The following NPLOC4 variants were observed in gnomAD, a reference collection of about 807,000 sequenced individuals.
The protein encoded by NPLOC4 is NPL4 homolog, ubiquitin recognition factor.
A neutral mutation model predicts 80.6 loss-of-function variants in NPLOC4; 18 were observed. That is an observed-to-expected ratio of 0.22 (90% CI 0.15 to 0.33). NPLOC4 has a LOEUF of 0.33. Among genes scored for constraint, NPLOC4 ranks in the 10% least tolerant of loss-of-function variants. The pLI, the probability that NPLOC4 is intolerant of heterozygous loss-of-function variation, is 1.00. For missense variants in NPLOC4, 540 were observed against 786.1 expected (o/e 0.69, Z 3.74); for synonymous variants, 313 against 301.5 (o/e 1.04, Z -0.39).
intron 15 of NPLOC4, chr17:81,566,644 T>C (rs1214507040): frequency 6.6e-6 from 1 of 152,244 alleles, no homozygotes. Flanking sequence ...ACTAGCAGGA[T>C]ACAAGAACAG....
At position 81,557,723 on chromosome 17, in the gene NPLOC4, C is replaced by T. The variant is rs997952866; in HGVS notation, c.*1536G>A. On this transcript the variant is annotated 3_prime_UTR_variant, in exon 17 of 17. Coordinates refer to ENST00000331134, the MANE Select transcript of NPLOC4 (RefSeq NM_017921.4). ...TGGGAGTTGCATCCGCAGCAGTCCG[C>T]TTCAACCCAGCTCCTCTCCACCCTT... 2 of 152,320 alleles carry T rather than the reference C, an allele frequency of 1.3e-5. No homozygotes were observed. The highest frequency in any genetic ancestry group is 2.4e-5 in the African/African-American group (1 of 41,464). 9.4% of individuals were successfully genotyped at this position (152,320 alleles called of 1,614,324 possible).
chr17:81,586,125 C>CA (rs1380122295), intron 12 of NPLOC4, among the ~76,000 whole-genome samples: 3 of 152,090 alleles, frequency 2.0e-5, no homozygotes, highest in Non-Finnish European at 4.4e-5. Context: ...GAAGGGGAGG[C>CA]AGGGGCCTGA....
At position 81,615,458 on chromosome 17, in the gene NPLOC4, T is replaced by C. The variant is rs189477785; in HGVS notation, c.210-1964A>G. Among the ~76,000 whole-genome samples, 395 of 152,260 alleles carry C rather than the reference T, an allele frequency of 2.6e-3. 1 individual carries two copies. Among genetic ancestry groups the C allele is most frequent in the Non-Finnish European group, 3.5e-3 (239 of 68,018 alleles). ...CCTAAACACCATCTAACTACTAATA[T>C]AAAAAACTTGACTTACACACAAGAT... On this transcript the variant is annotated intron_variant, in intron 3 of 16. Coordinates refer to ENST00000331134, the MANE Select transcript of NPLOC4 (RefSeq NM_017921.4).
intron 13 of NPLOC4, among the ~76,000 whole-genome samples, chr17:81,571,333 C>G (rs936622161): frequency 1.5e-4 from 23 of 152,222 alleles, no homozygotes; most frequent in Non-Finnish European, 2.9e-4. Flanking sequence ...AAAGGCTCAT[C>G]CTGCCATCCT....
intron 2 of NPLOC4, among the ~76,000 whole-genome samples, chr17:81,623,915 C>T (rs1001723338): frequency 6.6e-6 from 1 of 152,164 alleles, no homozygotes; most frequent in Non-Finnish European, 1.5e-5. Flanking sequence ...TTCACTCATT[C>T]CTTCAACAAA....
intron 11 of NPLOC4, 119 bp downstream of exon 11, chr17:81,595,997 C>T: frequency 1.0e-6 from 1 of 982,366 alleles, no homozygotes; most frequent in South Asian, 1.7e-5. Context: ...AATTTATATC[C>T]CACAAGCCCA....
chr17:81,620,293 C>T (rs2035630907), intron 3 of NPLOC4, among the ~76,000 whole-genome samples: 1 of 152,056 alleles, frequency 6.6e-6, no homozygotes, highest in Non-Finnish European at 1.5e-5. Flanking sequence ...GTCAGGAATT[C>T]GAGACCAGCT....
Position 81,591,390 on chromosome 17 carries a change from A to T in NPLOC4, c.1121-2286T>A, listed in dbSNP as rs371097753. 5.2e-3 allele frequency among the ~76,000 whole-genome samples: 749 copies of T among 142,804 alleles called. 4 individuals carry two copies. Among genetic ancestry groups the T allele is most frequent in the South Asian group, 0.032 (139 of 4,400 alleles). 93.7% of individuals were successfully genotyped at this position (142,804 alleles called of 152,430 possible). ...GCAGAGGCTGCGATGAGCTGAGATC[A>T]TACCACTGCACTCCAGCCCGGGCAA... On this transcript the variant is annotated intron_variant, in intron 11 of 16. Coordinates refer to ENST00000331134, the MANE Select transcript of NPLOC4 (RefSeq NM_017921.4).
chr17:81,571,702 C>G (rs1226364877), intron 13 of NPLOC4, among the ~76,000 whole-genome samples: 1 of 152,226 alleles, frequency 6.6e-6, no homozygotes, highest in Non-Finnish European at 1.5e-5. Flanking sequence ...TCGCTGCCTT[C>G]CAGAGGCTGC....
chr17:81,593,861 C>A (rs1233835744), intron 11 of NPLOC4, among the ~76,000 whole-genome samples: 10 of 152,142 alleles, frequency 6.6e-5, no homozygotes, highest in Admixed American at 6.6e-4. Context: ...CACGACAGCA[C>A]CCTTCCCAGG....
At chr17:81,588,179 TGAA>T (rs933737518) in intron 12 of NPLOC4, 3 of 152,190 alleles carry the variant, frequency 2.0e-5, no homozygotes, top group Admixed American at 1.3e-4. Flanking sequence ...AATGAAACAC[TGAA>T]GAAGACTGAA....
At chr17:81,605,546 G>C (rs1035437296) in intron 7 of NPLOC4, among the ~76,000 whole-genome samples, 1 of 151,724 alleles carries the variant, frequency 6.6e-6, no homozygotes, top group Non-Finnish European at 1.5e-5. Flanking sequence ...TACTCCGGAG[G>C]CTGAGGCAAT....
chr17:81,585,661 TG>T (rs34746217), intron 12 of NPLOC4, among the ~76,000 whole-genome samples: 6,405 of 105,368 alleles, frequency 0.061, 309 homozygotes, highest in East Asian at 0.3. Context: ...ACTCCATTTC[TG>T]GGGGGGGGGG....
intron 1 of NPLOC4, 50 bp downstream of exon 1, chr17:81,636,866 T>TCTG: frequency 7.2e-7 from 1 of 1,391,780 alleles, no homozygotes; most frequent in Non-Finnish European, 9.4e-7. Flanking sequence ...GGCCGGCAAA[T>TCTG]CTGCTGCCTC....
At chr17:81,594,050 G>C (rs2034820569) in intron 11 of NPLOC4, among the ~76,000 whole-genome samples, 1 of 152,038 alleles carries the variant, frequency 6.6e-6, no homozygotes, top group South Asian at 2.1e-4. Context: ...GAGGCGGGCG[G>C]ATCACGAGGT....
Position 81,637,030 on chromosome 17 carries a change from C to G in NPLOC4, c.-100G>C. 2 of 717,076 alleles carry G rather than the reference C, an allele frequency of 2.8e-6. No individual in the cohort carries two copies. Among genetic ancestry groups the G allele is most frequent in the Non-Finnish European group, 3.7e-6 (2 of 533,656 alleles). 44.4% of individuals were successfully genotyped at this position (717,076 alleles called of 1,614,324 possible). Reference sequence around the variant, plus strand: ...CCGCGGCCTCAGCCCCGGCCCCGGCCTCCCTACGCCGCCGCCACCGCCGCT... The same window carrying G: ...CCGCGGCCTCAGCCCCGGCCCCGGCGTCCCTACGCCGCCGCCACCGCCGCT... On this transcript the variant is annotated 5_prime_UTR_variant, in exon 1 of 17. Transcript: ENST00000331134.
intron 2 of NPLOC4, among the ~76,000 whole-genome samples, chr17:81,627,896 A>G (rs982503296): frequency 2.6e-5 from 4 of 152,052 alleles, no homozygotes; most frequent in Non-Finnish European, 4.4e-5. Flanking sequence ...AGATCACGCC[A>G]CCACATTCCA....
intron 8 of NPLOC4, 28 bp from the exon 9 acceptor site, chr17:81,600,455 A>G: frequency 6.3e-7 from 1 of 1,579,566 alleles, no homozygotes; most frequent in Non-Finnish European, 8.7e-7. Context: ...GAGAAGATGG[A>G]CTTAGAGCAG....
chr17:81,594,934 C>G (rs191862577), intron 11 of NPLOC4, among the ~76,000 whole-genome samples: 198 of 151,448 alleles, frequency 1.3e-3, no homozygotes, highest in African/African-American at 3.5e-3. Flanking sequence ...AGAGCAAGAA[C>G]ATGTCTCAAA....
Sources: allele counts gnomAD v4.1 joint callset (sites outside exome capture counted in the v4.1 genomes callset), GRCh38; gene constraint gnomAD v4.1.1; transcripts MANE v1.5; gene names NCBI Gene and HGNC (gene_info 2026-07-23, HGNC 2026-07-21).